Variants in MXRA8 observed in about 807,000 individuals in gnomAD.
The protein encoded by MXRA8 is matrix remodeling associated 8.
Under a neutral mutation model 51.4 loss-of-function variants are expected in MXRA8, and 44 were observed. The ratio of observed to expected loss-of-function variants is 0.86; its 90% CI spans 0.67 to 1.10. The LOEUF (loss-of-function observed/expected upper bound fraction) is 1.10, where lower values mean the gene tolerates loss of function less well. Ranked by LOEUF, MXRA8 falls within the 50% of genes least tolerant of loss-of-function variation. MXRA8 has a pLI of 0.00. For missense variants in MXRA8, 765 were observed against 638.9 expected, an observed-to-expected ratio of 1.20 and a Z score of -2.13; for synonymous variants, 369 against 293.5, an observed-to-expected ratio of 1.26 and a Z score of -2.63.
chr1:1,360,715 C>G (rs1323540181), upstream of MXRA8, among the ~76,000 whole-genome samples: 8 of 152,338 alleles, frequency 5.3e-5, no homozygotes, highest in African/African-American at 1.7e-4. Context: ...CCACGGCCCG[C>G]ACTGAGGATC....
upstream of MXRA8, among the ~76,000 whole-genome samples, chr1:1,360,099 C>T (rs1644202242): frequency 6.6e-6 from 1 of 152,232 alleles, no homozygotes; most frequent in African/African-American, 2.4e-5. Flanking sequence ...GAGGGCCCGG[C>T]TCTGGGTGCA....
At chr1:1,361,157 AACAC>A (rs1411435184), upstream of MXRA8, 3 of 694,576 alleles carry the variant, frequency 4.3e-6, no homozygotes, top group Admixed American at 2.0e-5. Context: ...GATACACGGA[AACAC>A]AAACACACAG....
Position 1,352,897 on chromosome 1 carries a change from A to T in MXRA8, c.*707T>A. The T allele has an allele frequency of 3.3e-6, 1 of 303,992 alleles. No individual in the cohort carries two copies. The highest frequency in any genetic ancestry group is 1.1e-3 in the Middle Eastern group (1 of 952). 18.8% of individuals were successfully genotyped at this position (303,992 alleles called of 1,614,324 possible). A position where few individuals can be genotyped will look rare whatever the true frequency, so the allele number is the denominator to read the frequency against. ...GAGGGGTGTCAGGGTCAGAAGTCAC[A>T]GGGAGCCCAGTGACTATCAAGGTGG... is the stretch of plus-strand genomic sequence containing the variant. On this transcript the variant is annotated 3_prime_UTR_variant, in exon 10 of 10. Coordinates refer to ENST00000309212, the MANE Select transcript of MXRA8 (RefSeq NM_032348.4).
At chr1:1,354,155 G>A (rs937262164) in intron 7 of MXRA8, 38 bp downstream of exon 7, 14 of 1,612,620 alleles carry the variant, frequency 8.7e-6, no homozygotes, top group Middle Eastern at 1.6e-4. Flanking sequence ...GGTGAAGGGG[G>A]CCCTGGTCCC....
chr1:1,361,963 G>A (rs1469101030), upstream of MXRA8, among the ~76,000 whole-genome samples: 1 of 152,252 alleles, frequency 6.6e-6, no homozygotes, highest in Non-Finnish European at 1.5e-5. Context: ...GGTTAGTTAT[G>A]TATGCTGACT....
rs538712736 is a variant in MXRA8 at position 1,353,833 on chromosome 1, G to A, written c.1303+15C>T. On this transcript the variant is annotated intron_variant, in intron 9 of 9. Transcript: ENST00000309212. Reference sequence around the variant, plus strand: ...CAGGGCTCTGAGATGGGCTGAGGTCGCCCCCGCCGCTCACCTTTGTCTAGG... The same window carrying A: ...CAGGGCTCTGAGATGGGCTGAGGTCACCCCCGCCGCTCACCTTTGTCTAGG... 6.4e-5 allele frequency: 100 copies of A among 1,558,532 alleles called. No homozygotes were observed. The East Asian group carries it at 1.9e-3, about 30-fold the overall frequency.
At chr1:1,358,155 A>C (rs1644169520) in intron 1 of MXRA8, among the ~76,000 whole-genome samples, 1 of 152,160 alleles carries the variant, frequency 6.6e-6, no homozygotes, top group African/African-American at 2.4e-5. Flanking sequence ...CTCCCTAAAC[A>C]GAGCCCCAGC....
Position 1,353,882 on chromosome 1 carries a change from G to A in MXRA8, c.1269C>T (p.Ser423=), listed in dbSNP as rs371661982. The change falls in exon 9 of 10, where the codon AGC becomes AGT. Residue 423 remains serine, a synonymous_variant. Coordinates refer to ENST00000309212, the MANE Select transcript of MXRA8 (RefSeq NM_032348.4). The stretch of plus-strand genomic sequence containing the variant: ...GGTCGATGTACTTGGCAGGCAGGGG[G>A]CTGTGGGCCAGCTCCGCCCTCTCCT... ...ILKERAELAH[S]PLPAKYIDLD... 19 of 1,607,358 alleles carry A rather than the reference G, an allele frequency of 1.2e-5. No homozygotes were observed. The Admixed American group carries it at 2.2e-4, about 18-fold the overall frequency.
chr1:1,360,933 CACAG>C (rs1644213401), upstream of MXRA8, among the ~76,000 whole-genome samples: 1 of 150,490 alleles, frequency 6.6e-6, no homozygotes, highest in African/African-American at 2.5e-5. Context: ...CACATGGAGA[CACAG>C]ACACGCATGC....
intron 3 of MXRA8, 49 bp downstream of exon 3, chr1:1,355,400 GC>G: frequency 1.3e-6 from 2 of 1,509,876 alleles, no homozygotes; most frequent in East Asian, 2.8e-5. Flanking sequence ...CGACCCCGCG[GC>G]CCCGGACCCC....
Position 1,353,125 on chromosome 1 carries a change from C to T in MXRA8, c.*479G>A, listed in dbSNP as rs1367671628. The T allele has an allele frequency of 2.7e-6, 2 of 742,270 alleles. No individual in the cohort carries two copies. The highest frequency in any genetic ancestry group is 4.7e-6 in the Non-Finnish European group (2 of 428,068). 46.0% of individuals were successfully genotyped at this position (742,270 alleles called of 1,614,324 possible). A position where few individuals can be genotyped will look rare whatever the true frequency, so the allele number is the denominator to read the frequency against. On this transcript the variant is annotated 3_prime_UTR_variant, in exon 10 of 10. Coordinates refer to ENST00000309212, the MANE Select transcript of MXRA8 (RefSeq NM_032348.4). ...GCAGCACCCCAGGAGGAGTGGGACT[C>T]CTGCCGAGGCTGACCCCAACTTCAA...
At chr1:1,359,183 C>T, upstream of MXRA8, 1 of 985,404 alleles carries the variant, frequency 1.0e-6, no homozygotes, top group Non-Finnish European at 1.2e-6. Context: ...ACCCTGAGCA[C>T]TGGGAGGCCT....
At position 1,355,212 on chromosome 1, in the gene MXRA8, CGGGAGCTG is replaced by C. The variant is rs578255813; in HGVS notation, c.478+24_478+31del. 0.032 allele frequency: 15,960 copies of C among 501,838 alleles called. 1,530 individuals carry two copies. In the African/African-American group the frequency reaches 0.34, roughly 11 times the overall value. The allele number at this position is 501,838 out of a possible 1,614,324, so 31.1% of individuals were successfully genotyped here. A position where few individuals can be genotyped will look rare whatever the true frequency, so the allele number is the denominator to read the frequency against. On this transcript the variant is annotated intron_variant, in intron 4 of 9. Coordinates refer to ENST00000309212, the MANE Select transcript of MXRA8 (RefSeq NM_032348.4). ...GGGGCGGCGGTCGAGGGTCGAGGGG[CGGGAGCTG>C]GGGGGCGGGGGGGAAGCACTCACGG...
chr1:1,357,602 T>A (rs1481875885), intron 1 of MXRA8, among the ~76,000 whole-genome samples: 1 of 152,148 alleles, frequency 6.6e-6, no homozygotes, highest in Non-Finnish European at 1.5e-5. Context: ...AGGTCAGGAA[T>A]TCAAGACCAG....
chr1:1,354,435 G>A lies in MXRA8; in HGVS notation c.1024C>T (p.Leu342=), dbSNP rs754129513. 1.4e-5 allele frequency: 22 copies of A among 1,612,490 alleles called. No individual in the cohort carries two copies. Among genetic ancestry groups the A allele is most frequent in the Non-Finnish European group, 1.9e-5 (22 of 1,179,876 alleles). ...PESRAHFFQQ[L]GYVLATLLLF... ...AGCAGCGTGGCCAGCACGTAGCCCAGCTGCTGGAAGAAGTGGGCTCGGCTC... is the reference window on the plus strand; with the variant it reads ...AGCAGCGTGGCCAGCACGTAGCCCAACTGCTGGAAGAAGTGGGCTCGGCTC... The change falls in exon 6 of 10, where the codon CTG becomes TTG. Residue 342 remains leucine (L), a synonymous_variant. Coordinates refer to ENST00000309212, the MANE Select transcript of MXRA8 (RefSeq NM_032348.4).
chr1:1,353,976 C>G, intron 8 of MXRA8, 48 bp from the exon 9 acceptor site: 3 of 1,517,770 alleles, frequency 2.0e-6, no homozygotes, highest in Non-Finnish European at 2.6e-6. Flanking sequence ...GATGCACTTC[C>G]CAGCCCGGGA....
chr1:1,359,856 G>A (rs568063907), upstream of MXRA8, among the ~76,000 whole-genome samples: 4 of 152,204 alleles, frequency 2.6e-5, no homozygotes, highest in East Asian at 7.7e-4. Context: ...GGAAAAACAA[G>A]CCCCACCTGG....
upstream of MXRA8, chr1:1,359,388 T>A (rs1338206948): frequency 1.0e-6 from 1 of 985,254 alleles, no homozygotes; most frequent in Non-Finnish European, 1.2e-6. Flanking sequence ...CATAAACAAA[T>A]GCGAAATAAC....
rs1247039417 is a variant in MXRA8, at chr1:1,354,360, G to C, written c.1099C>G (p.Arg367Gly). Residue 367 changes from arginine to glycine, a missense_variant, in exon 6 of 10, where the codon CGC becomes GGC. Physicochemically the swap from Arg to Gly is moderately radical, Grantham distance 125. Transcript: ENST00000309212. ...TTTGCCGGGGCAGCCTCACCTCCGCGGCGCCTGCGGGCGGCCAGGAGGACA... is the reference window on the plus strand; with the variant it reads ...TTTGCCGGGGCAGCCTCACCTCCGCCGCGCCTGCGGGCGGCCAGGAGGACA... ...VTVLLAARRR[R>G]GGYEYSDQKS... 6.2e-7 allele frequency: 1 copy of C among 1,610,512 alleles called. No individual in the cohort carries two copies. Among genetic ancestry groups the C allele is most frequent in the South Asian group, 1.1e-5 (1 of 90,846 alleles).
Sources: gnomAD v4.1 joint callset for allele counts (sites outside exome capture counted in the v4.1 genomes callset) on GRCh38, gnomAD v4.1.1 for gene constraint, MANE v1.5 for transcripts, NCBI Gene and HGNC (gene_info 2026-07-23, HGNC 2026-07-21) for gene names.